Variants in GRID2 observed in about 807,000 individuals in gnomAD.
The protein encoded by GRID2 is glutamate receptor ionotropic, delta-2.
In GRID2, 33 loss-of-function variants were observed where a neutral mutation model predicts 114.8. The observed-to-expected ratio is 0.29, with a 90% confidence interval of 0.22 to 0.38. The LOEUF (loss-of-function observed/expected upper bound fraction) is 0.38. Ranked by LOEUF, GRID2 falls within the 10% of genes least tolerant of loss-of-function variation. The pLI, the probability that GRID2 is intolerant of heterozygous loss-of-function variation, is 1.00. For missense variants in GRID2, 1,184 were observed against 1,257.7 expected (o/e 0.94, Z 0.89); for synonymous variants, 505 against 449.9 (o/e 1.12, Z -1.55).
chr4:92,975,206 T>C (rs1753792548), intron 2 of GRID2, among the ~76,000 whole-genome samples: 1 of 144,372 alleles, frequency 6.9e-6, no homozygotes, highest in South Asian at 2.2e-4. Context: ...GCTTATTATT[T>C]ATATATGTGC....
chr4:92,796,356 A>T (rs556271879), intron 2 of GRID2, among the ~76,000 whole-genome samples: 12 of 152,044 alleles, frequency 7.9e-5, no homozygotes, highest in Admixed American at 5.3e-4. Flanking sequence ...GTACTTCCTG[A>T]TTCAGGGACA....
chr4:92,708,709 G>C (rs72663538), intron 2 of GRID2, among the ~76,000 whole-genome samples: 24,776 of 151,980 alleles, frequency 0.16, 2,174 homozygotes, highest in East Asian at 0.33. Context: ...CATGTTTGTA[G>C]CGAATGTCTT....
chr4:93,016,779 T>A (rs1722787134), intron 2 of GRID2, among the ~76,000 whole-genome samples: 1 of 152,198 alleles, frequency 6.6e-6, no homozygotes, highest in Admixed American at 6.5e-5. Context: ...CAAGCCATAT[T>A]AGATATCAAG....
chr4:93,332,897 C>T (rs761382853), intron 8 of GRID2, among the ~76,000 whole-genome samples: 1 of 152,124 alleles, frequency 6.6e-6, no homozygotes, highest in Non-Finnish European at 1.5e-5. Flanking sequence ...TTGCTTGAAA[C>T]AGTCCCTTTT....
At chr4:93,399,051 G>T (rs919056756) in intron 9 of GRID2, among the ~76,000 whole-genome samples, 15 of 151,786 alleles carry the variant, frequency 9.9e-5, no homozygotes. Context: ...GAATCTTGAG[G>T]CTTTACCTCA....
chr4:93,458,181 C>T (rs1723385062), intron 11 of GRID2, among the ~76,000 whole-genome samples: 1 of 152,154 alleles, frequency 6.6e-6, no homozygotes, highest in Admixed American at 6.5e-5. Flanking sequence ...AAAATCAGAG[C>T]AGCTAGTAGT....
intron 9 of GRID2, among the ~76,000 whole-genome samples, chr4:93,399,734 T>C (rs1383240277): frequency 6.6e-6 from 1 of 152,036 alleles, no homozygotes; most frequent in African/African-American, 2.4e-5. Flanking sequence ...GAATAAGGGA[T>C]ACACTGATCT....
At chr4:93,315,353 C>A (rs34319602) in intron 8 of GRID2, among the ~76,000 whole-genome samples, 33,688 of 152,056 alleles carry the variant, frequency 0.22, 3,993 homozygotes, top group Middle Eastern at 0.43. Context: ...TATATAAACA[C>A]ATTTTATAAT....
intron 2 of GRID2, among the ~76,000 whole-genome samples, chr4:92,953,279 T>A (rs1250672594): frequency 6.6e-6 from 1 of 152,166 alleles, no homozygotes; most frequent in East Asian, 1.9e-4. Context: ...GCTTTAGTGA[T>A]CTTATAAAAA....
Position 92,790,152 on chromosome 4 carries a change from A to G in GRID2, c.244+199866A>G, listed in dbSNP as rs1200838910. 4.0e-5 allele frequency among the ~76,000 whole-genome samples: 6 copies of G among 151,828 alleles called. 1 individual carries two copies. The highest frequency in any genetic ancestry group is 4.1e-4 in the South Asian group (2 of 4,836). ...CATATATAAGTATATATAGTTATAC[A>G]TATAAGTATATACACATCTAAATAT... is the stretch of plus-strand genomic sequence containing the variant. On this transcript the variant is annotated intron_variant, in intron 2 of 15. Transcript: ENST00000282020.
At chr4:93,259,721 G>GT (rs1352626728) in intron 8 of GRID2, among the ~76,000 whole-genome samples, 1 of 151,720 alleles carries the variant, frequency 6.6e-6, no homozygotes, top group Admixed American at 6.6e-5. Context: ...CAAAAACTAT[G>GT]TTTTTTCAAT....
At chr4:92,932,874 A>T (rs1013214557) in intron 2 of GRID2, among the ~76,000 whole-genome samples, 2 of 151,230 alleles carry the variant, frequency 1.3e-5, no homozygotes, top group African/African-American at 4.8e-5. Flanking sequence ...GGAATTTGTA[A>T]AGTAGGCAAA....
chr4:93,115,806 G>GAGA (rs1471431193), intron 4 of GRID2, among the ~76,000 whole-genome samples: 1 of 152,032 alleles, frequency 6.6e-6, no homozygotes, highest in East Asian at 1.9e-4. Flanking sequence ...TCACTACCAA[G>GAGA]AGAACAGTAT....
In GRID2 at chr4:92,449,676, GATATATATATAT is replaced by G. The variant is rs371209786; in HGVS notation, c.89-140431_89-140420del. Among the ~76,000 whole-genome samples the G allele has an allele frequency of 6.9e-3, 670 of 96,738 alleles. 16 individuals carry two copies. The highest frequency in any genetic ancestry group is 0.024 in the African/African-American group (579 of 23,790). 63.5% of individuals were successfully genotyped at this position (96,738 alleles called of 152,430 possible). A position where few individuals can be genotyped will look rare whatever the true frequency, so the allele number is the denominator to read the frequency against. On this transcript the variant is annotated intron_variant, in intron 1 of 15. Transcript: ENST00000282020. ...TCAAATATGTCTATCTTTTCTTACT[GATATATATATAT>G]ATATATATATATATATATATATAAC...
rs1335832715 is a variant in GRID2, at chr4:93,090,007, T to C, written c.529+4728T>C. ...TGTCTTGTTCCCTAATAAGAATTCCTGTTTTCAAAATGTGTAGTAACACAG... is the reference window on the plus strand; with the variant it reads ...TGTCTTGTTCCCTAATAAGAATTCCCGTTTTCAAAATGTGTAGTAACACAG... On this transcript the variant is annotated intron_variant, in intron 3 of 15. Transcript: ENST00000282020. Among the ~76,000 whole-genome samples, 3 of 152,158 alleles carry C rather than the reference T, an allele frequency of 2.0e-5. 1 individual carries two copies. The highest frequency in any genetic ancestry group is 2.0e-4 in the Admixed American group (3 of 15,252).
At chr4:92,404,134 C>A (rs1186094413) in intron 1 of GRID2, among the ~76,000 whole-genome samples, 1 of 152,064 alleles carries the variant, frequency 6.6e-6, no homozygotes, top group Non-Finnish European at 1.5e-5. Flanking sequence ...TTGTCATAAA[C>A]CTTCAATTTG....
chr4:93,390,492 A>G (rs1421652263), intron 8 of GRID2, among the ~76,000 whole-genome samples: 1 of 152,188 alleles, frequency 6.6e-6, no homozygotes, highest in African/African-American at 2.4e-5. Flanking sequence ...TGAGGAAGTC[A>G]CTTTTACTAT....
At chr4:93,387,868 C>T (rs1764483515) in intron 8 of GRID2, among the ~76,000 whole-genome samples, 1 of 150,536 alleles carries the variant, frequency 6.6e-6, no homozygotes, top group Admixed American at 6.6e-5. Context: ...TGTACAATCA[C>T]TTTAATGTGT....
At chr4:93,288,814 T>C (rs1753442988) in intron 8 of GRID2, among the ~76,000 whole-genome samples, 1 of 152,196 alleles carries the variant, frequency 6.6e-6, no homozygotes, top group Non-Finnish European at 1.5e-5. Context: ...AATAATTATG[T>C]TTTCTATGCT....
Sources: gnomAD v4.1 joint callset for allele counts (sites outside exome capture counted in the v4.1 genomes callset) on GRCh38, gnomAD v4.1.1 for gene constraint, MANE v1.5 for transcripts, NCBI Gene and HGNC (gene_info 2026-07-23, HGNC 2026-07-21) for gene names.